C3orf70: variants seen among roughly 807,000 people sequenced by gnomAD.
C3orf70 encodes UPF0524 protein C3orf70.
Under a neutral mutation model 20.7 loss-of-function variants are expected in C3orf70, and 15 were observed. That is an observed-to-expected ratio of 0.72 (90% CI 0.48 to 1.11). The LOEUF is 1.11. Among genes scored for constraint, C3orf70 ranks in the 50% most tolerant of loss-of-function variants. The probability of loss-of-function intolerance (pLI) is 0.00; values close to 1 mark genes in which losing one functional copy is unlikely to be tolerated. For synonymous variants in C3orf70, 161 were observed against 125.7 expected (o/e 1.28, Z -1.88); for missense variants, 332 against 317.6 (o/e 1.05, Z -0.34).
chr3:185,113,285 C>CAAAAAAA (rs55966497), intron 1 of C3orf70, among the ~76,000 whole-genome samples: 9,180 of 138,396 alleles, frequency 0.066, 435 homozygotes, highest in South Asian at 0.11. Flanking sequence ...CTAAAAAATA[C>CAAAAAAA]AAAAAAGAAA....
At chr3:185,096,272 C>G (rs1046761921) in intron 1 of C3orf70, among the ~76,000 whole-genome samples, 1 of 152,090 alleles carries the variant, frequency 6.6e-6, no homozygotes, top group Non-Finnish European at 1.5e-5. Flanking sequence ...TTACAGGTAA[C>G]TAGTGTGTCT....
At chr3:185,151,573 C>G (rs535404763) in intron 1 of C3orf70, among the ~76,000 whole-genome samples, 18 of 152,264 alleles carry the variant, frequency 1.2e-4, no homozygotes, top group Admixed American at 9.2e-4. Context: ...GATCCTCTAT[C>G]CTTGAATTCA....
At chr3:185,134,198 A>T (rs1716578825) in intron 1 of C3orf70, among the ~76,000 whole-genome samples, 1 of 152,150 alleles carries the variant, frequency 6.6e-6, no homozygotes, top group African/African-American at 2.4e-5. Context: ...TCTTTTTTAC[A>T]TAGGTTGACT....
intron 1 of C3orf70, among the ~76,000 whole-genome samples, chr3:185,142,521 G>A (rs1050328072): frequency 3.9e-5 from 6 of 152,174 alleles, no homozygotes; most frequent in African/African-American, 9.7e-5. Flanking sequence ...TCATCAAATG[G>A]TAGAAGGAAT....
intron 1 of C3orf70, among the ~76,000 whole-genome samples, chr3:185,094,412 A>C (rs1197200120): frequency 6.6e-6 from 1 of 151,970 alleles, no homozygotes; most frequent in Non-Finnish European, 1.5e-5. Flanking sequence ...GTTATTTCTT[A>C]GTTCTTTTCC....
chr3:185,118,477 C>T (rs1224484693), intron 1 of C3orf70, among the ~76,000 whole-genome samples: 12 of 152,094 alleles, frequency 7.9e-5, no homozygotes, highest in Non-Finnish European at 1.5e-5. Flanking sequence ...TCTTTATATA[C>T]CTTGTTGGTA....
At chr3:185,137,855 T>C (rs764850728) in intron 1 of C3orf70, among the ~76,000 whole-genome samples, 110 of 151,486 alleles carry the variant, frequency 7.3e-4, no homozygotes, top group Non-Finnish European at 1.3e-3. Flanking sequence ...AAGCACAAAA[T>C]AAACCCAAAG....
intron 1 of C3orf70, among the ~76,000 whole-genome samples, chr3:185,131,760 G>T (rs562658287): frequency 6.6e-6 from 1 of 152,310 alleles, no homozygotes; most frequent in Admixed American, 6.5e-5. Flanking sequence ...TTACTTTGAG[G>T]ATATTTGCTG....
chr3:185,083,442 C>T lies in C3orf70; in HGVS notation c.318G>A (p.Leu106=). ...GAGGCTGGAAGACAGATGCAAATTTCAAAAAGTGTTCGGTGAGCGAGACTG... is the reference window on the plus strand; with the variant it reads ...GAGGCTGGAAGACAGATGCAAATTTTAAAAAGTGTTCGGTGAGCGAGACTG... The part of the protein sequence containing the change: ...QISVSLTEHF[L]KFASVFQPPL... The change falls in exon 2 of 2, where the codon TTG becomes TTA. Residue 106 remains leucine, a synonymous_variant. Transcript: ENST00000335012. 1 of 1,614,078 alleles carries T rather than the reference C, an allele frequency of 6.2e-7. No homozygotes were observed. Among genetic ancestry groups the T allele is most frequent in the South Asian group, 1.1e-5 (1 of 91,070 alleles).
At chr3:185,128,298 C>T (rs561447201) in intron 1 of C3orf70, among the ~76,000 whole-genome samples, 58 of 152,160 alleles carry the variant, frequency 3.8e-4, no homozygotes, top group African/African-American at 1.3e-3. Flanking sequence ...GGAGGCGAGG[C>T]GGGTGGATCA....
At position 185,101,997 on chromosome 3, in the gene C3orf70, T is replaced by A. The variant is rs577066740; in HGVS notation, c.197-18434A>T. 5.9e-5 allele frequency among the ~76,000 whole-genome samples: 9 copies of A among 152,216 alleles called. No homozygotes were observed. In the South Asian group the frequency reaches 1.9e-3, roughly 32 times the overall value. On this transcript the variant is annotated intron_variant, in intron 1 of 1. Transcript: ENST00000335012. The stretch of plus-strand genomic sequence containing the variant: ...TGAATGGGTAAAAGGTAAGGCATTC[T>A]TAATGAAAACCAACACAAGACAAGG...
At chr3:185,117,016 C>T (rs569545197) in intron 1 of C3orf70, among the ~76,000 whole-genome samples, 1 of 152,068 alleles carries the variant, frequency 6.6e-6, no homozygotes, top group African/African-American at 2.4e-5. Context: ...CTCTGGACCT[C>T]GTGATCCGCC....
chr3:185,082,604 C>T lies in C3orf70; in HGVS notation c.*403G>A, dbSNP rs1340513281. 4.8e-6 allele frequency: 1 copy of T among 206,672 alleles called. No individual in the cohort carries two copies. The highest frequency in any genetic ancestry group is 9.8e-6 in the Non-Finnish European group (1 of 102,382). The allele number at this position is 206,672 out of a possible 1,614,324, so 12.8% of individuals were successfully genotyped here. On this transcript the variant is annotated 3_prime_UTR_variant, in exon 2 of 2. Transcript: ENST00000335012. Reference sequence around the variant, plus strand: ...AGGACAGGACGGGAGTGCCTGTGAACATGCCAAAGGGAATGGCAAGAGTCT... The same window carrying T: ...AGGACAGGACGGGAGTGCCTGTGAATATGCCAAAGGGAATGGCAAGAGTCT...
At chr3:185,139,156 G>A (rs116443949) in intron 1 of C3orf70, among the ~76,000 whole-genome samples, 1 of 149,420 alleles carries the variant, frequency 6.7e-6, no homozygotes, top group Non-Finnish European at 1.5e-5. Flanking sequence ...GGAGGAGGAG[G>A]AAGGAGGAGC....
Position 185,125,294 on chromosome 3 carries a change from C to T in C3orf70, c.196+27334G>A, listed in dbSNP as rs866939298. Among the ~76,000 whole-genome samples, 15 of 152,070 alleles carry T rather than the reference C, an allele frequency of 9.9e-5. No homozygotes were observed. The South Asian group carries it at 1.9e-3, about 19-fold the overall frequency. On this transcript the variant is annotated intron_variant, in intron 1 of 1. Transcript: ENST00000335012. Reference sequence around the variant, plus strand: ...CTTGGGAGGCTTGAGGCAGGAGAATCGCTTGAACCCGGAAGGCAGAGGTTG... The same window carrying T: ...CTTGGGAGGCTTGAGGCAGGAGAATTGCTTGAACCCGGAAGGCAGAGGTTG...
chr3:185,122,264 C>A (rs547104514), intron 1 of C3orf70, among the ~76,000 whole-genome samples: 1 of 152,058 alleles, frequency 6.6e-6, no homozygotes, highest in Non-Finnish European at 1.5e-5. Flanking sequence ...GTCAACTGAC[C>A]AAGAACATAT....
rs1012048799 is a variant in C3orf70 at position 185,077,569 on chromosome 3, C to T, written c.*5438G>A. ...CCTAGGAAGGTTGTTCAATAGACTC[C>T]AACCCTTGAAGCTGTTCTTTTCTGA... On this transcript the variant is annotated 3_prime_UTR_variant, in exon 2 of 2. Coordinates refer to ENST00000335012, the MANE Select transcript of C3orf70 (RefSeq NM_001025266.3). Among the ~76,000 whole-genome samples, 1 of 152,044 alleles carries T rather than the reference C, an allele frequency of 6.6e-6. No individual in the cohort carries two copies. Among genetic ancestry groups the T allele is most frequent in the African/African-American group, 2.4e-5 (1 of 41,374 alleles).
intron 1 of C3orf70, among the ~76,000 whole-genome samples, chr3:185,131,900 T>C (rs771214355): frequency 6.6e-6 from 1 of 152,080 alleles, no homozygotes; most frequent in Non-Finnish European, 1.5e-5. Flanking sequence ...AGTGTAAGAG[T>C]AAATTACAAA....
rs1334573096 is a variant in C3orf70 at position 185,080,678 on chromosome 3, C to CA, written c.*2328dup. ...ACGGCTTGCAGGCATTTGGCTTCCA[C>CA]ACCTGCCTTCAGTGAGCCACTCATG... is the stretch of plus-strand genomic sequence containing the variant. On this transcript the variant is annotated 3_prime_UTR_variant, in exon 2 of 2. Coordinates refer to ENST00000335012, the MANE Select transcript of C3orf70 (RefSeq NM_001025266.3). The CA allele has an allele frequency of 6.6e-6, 1 of 152,266 alleles. No individual in the cohort carries two copies. The highest frequency in any genetic ancestry group is 2.4e-5 in the African/African-American group (1 of 41,442). 9.4% of individuals were successfully genotyped at this position (152,266 alleles called of 1,614,324 possible).
Sources: allele counts gnomAD v4.1 joint callset (sites outside exome capture counted in the v4.1 genomes callset), GRCh38; gene constraint gnomAD v4.1.1; transcripts MANE v1.5; gene names NCBI Gene and HGNC (gene_info 2026-07-23, HGNC 2026-07-21).